CDK7: variants seen among roughly 807,000 people sequenced by gnomAD.
CDK7 encodes the protein cyclin-dependent kinase 7.
In CDK7, 25 loss-of-function variants were observed where a neutral mutation model predicts 49.1. That is an observed-to-expected ratio of 0.51 (90% CI 0.37 to 0.71). The LOEUF is 0.71. Among genes scored for constraint, CDK7 ranks in the 30% least tolerant of loss-of-function variants. The pLI is 0.00. For synonymous variants in CDK7, 107 were observed against 140.0 expected, an observed-to-expected ratio of 0.76 and a Z score of 1.67; for missense variants, 316 against 411.7, an observed-to-expected ratio of 0.77 and a Z score of 2.01.
intron 8 of CDK7, among the ~76,000 whole-genome samples, chr5:69,263,440 T>C (rs1259914937): frequency 6.6e-6 from 1 of 152,216 alleles, no homozygotes; most frequent in African/African-American, 2.4e-5. Context: ...CTCACGCCTA[T>C]AGTCCCAGCT....
chr5:69,268,823 C>T (rs1312558346), intron 8 of CDK7, among the ~76,000 whole-genome samples: 2 of 110,414 alleles, frequency 1.8e-5, no homozygotes, highest in African/African-American at 7.5e-5. Flanking sequence ...GGCAACAGAG[C>T]GAGACTGTCT....
intron 8 of CDK7, among the ~76,000 whole-genome samples, chr5:69,266,516 G>A (rs1250826571): frequency 3.9e-5 from 6 of 152,184 alleles, no homozygotes; most frequent in Non-Finnish European, 7.3e-5. Flanking sequence ...CAAGGCAGAG[G>A]TTGCAGAGAG....
chr5:69,276,796 A>C (rs1752193568), intron 11 of CDK7, 106 bp downstream of exon 11: 1 of 963,378 alleles, frequency 1.0e-6, no homozygotes, highest in South Asian at 1.7e-5. Flanking sequence ...CTTGCTAGCT[A>C]TTTAATTTTT....
At chr5:69,272,826 A>G in intron 9 of CDK7, 66 bp from the exon 10 acceptor site, 1 of 1,022,398 alleles carries the variant, frequency 9.8e-7, no homozygotes, top group Non-Finnish European at 1.4e-6. Flanking sequence ...CCTGAAAATG[A>G]TTTATTTCAT....
At chr5:69,260,921 A>T (rs1006647996) in intron 7 of CDK7, among the ~76,000 whole-genome samples, 2 of 152,132 alleles carry the variant, frequency 1.3e-5, no homozygotes, top group African/African-American at 4.8e-5. Context: ...GGGTTCAAGC[A>T]ATCGTGCTAC....
intron 9 of CDK7, among the ~76,000 whole-genome samples, chr5:69,272,505 C>G (rs1751666608): frequency 6.6e-6 from 1 of 152,094 alleles, no homozygotes; most frequent in South Asian, 2.1e-4. Context: ...GTTGAATATT[C>G]CAATATGTGA....
In CDK7 at chr5:69,236,821, T is replaced by G. The variant is rs1160596876; in HGVS notation, c.126+1368T>G. Among the ~76,000 whole-genome samples the G allele has an allele frequency of 2.6e-5, 4 of 151,792 alleles. No homozygotes were observed. The East Asian group carries it at 5.8e-4, about 22-fold the overall frequency. On this transcript the variant is annotated intron_variant, in intron 2 of 11. Coordinates refer to ENST00000256443, the MANE Select transcript of CDK7 (RefSeq NM_001799.4). ...AACCTGCCACCACGCCCAGCTAATA[T>G]TTGTATTTTTAGTAGAGACAGGGTT...
At chr5:69,259,969 T>TCAGGAG in intron 7 of CDK7, 33 bp downstream of exon 7, 1 of 1,328,710 alleles carries the variant, frequency 7.5e-7, no homozygotes, top group Non-Finnish European at 1.1e-6. Flanking sequence ...TGTGCAGGAG[T>TCAGGAG]TTGATCAGAA....
Position 69,262,140 on chromosome 5 carries a change from C to T in CDK7, c.528-65C>T, listed in dbSNP as rs1203273726. On this transcript the variant is annotated intron_variant, in intron 7 of 11. Transcript: ENST00000256443. ...CAGAAAACAGACAAGGATCGTTCAT[C>T]CCTAGAGATAGAAGTGCTTTGATAA... 5 of 1,600,322 alleles carry T rather than the reference C, an allele frequency of 3.1e-6. No individual in the cohort carries two copies. The Admixed American group carries it at 8.3e-5, about 27-fold the overall frequency.
At chr5:69,269,440 AAAGT>A (rs1751381671) in intron 9 of CDK7, 147 bp downstream of exon 9, 2 of 538,230 alleles carry the variant, frequency 3.7e-6, no homozygotes. Context: ...TAAAGTATAT[AAAGT>A]AAGAAGTTAC....
intron 2 of CDK7, among the ~76,000 whole-genome samples, chr5:69,245,541 A>G (rs1749696981): frequency 1.3e-5 from 2 of 151,354 alleles, no homozygotes; most frequent in South Asian, 4.2e-4. Flanking sequence ...GGGTTTCACT[A>G]TATTGCCCAG....
chr5:69,270,039 C>T (rs1751425665), intron 9 of CDK7, among the ~76,000 whole-genome samples: 1 of 143,964 alleles, frequency 6.9e-6, no homozygotes, highest in Admixed American at 7.0e-5. Context: ...TGAGACCAGC[C>T]TGGGCTACAG....
chr5:69,247,839 C>G (rs893837958), intron 2 of CDK7, among the ~76,000 whole-genome samples: 1 of 152,068 alleles, frequency 6.6e-6, no homozygotes, highest in Non-Finnish European at 1.5e-5. Flanking sequence ...CATAAACAAA[C>G]CAACAAGCAA....
chr5:69,270,096 A>T (rs1021409488), intron 9 of CDK7, among the ~76,000 whole-genome samples: 6 of 142,808 alleles, frequency 4.2e-5, no homozygotes, highest in Non-Finnish European at 6.1e-5. Context: ...TAAACTTCTT[A>T]TTTTGAGAAT....
intron 7 of CDK7, among the ~76,000 whole-genome samples, chr5:69,261,488 C>CTGTGTGTGTGTGTGTGTGTG (rs376469145): frequency 3.2e-4 from 38 of 120,358 alleles, no homozygotes; most frequent in East Asian, 1.0e-3. Context: ...TGAAAAGGTT[C>CTGTGTGTGTGTGTGTGTGTG]TCTGTGTGTG....
chr5:69,236,867 G>T (rs1420593513), intron 2 of CDK7, among the ~76,000 whole-genome samples: 1 of 150,828 alleles, frequency 6.6e-6, no homozygotes, highest in Non-Finnish European at 1.5e-5. Flanking sequence ...GGCCAGGCTG[G>T]TCTCGAACTC....
intron 10 of CDK7, among the ~76,000 whole-genome samples, chr5:69,273,849 T>G (rs1203554184): frequency 6.6e-6 from 1 of 152,190 alleles, no homozygotes; most frequent in Non-Finnish European, 1.5e-5. Flanking sequence ...AAGCCTTCTC[T>G]TTTTAGCAAT....
intron 2 of CDK7, among the ~76,000 whole-genome samples, chr5:69,246,578 AT>A (rs1462379650): frequency 6.6e-6 from 1 of 151,328 alleles, no homozygotes; most frequent in Non-Finnish European, 1.5e-5. Flanking sequence ...GATCTTTTGT[AT>A]TTTTTTGTTT....
chr5:69,260,595 A>T (rs780491475), intron 7 of CDK7, among the ~76,000 whole-genome samples: 1 of 152,168 alleles, frequency 6.6e-6, no homozygotes, highest in Non-Finnish European at 1.5e-5. Context: ...GTCAGTGCTG[A>T]TTCTGTATCC....
Sources: gnomAD v4.1 joint callset for allele counts (sites outside exome capture counted in the v4.1 genomes callset) on GRCh38, gnomAD v4.1.1 for gene constraint, MANE v1.5 for transcripts, NCBI Gene and HGNC (gene_info 2026-07-23, HGNC 2026-07-21) for gene names.